The following DENND4B variants were observed in gnomAD, a reference collection of about 807,000 sequenced individuals.
DENND4B encodes DENN domain containing 4B.
Under a neutral mutation model 161.0 loss-of-function variants are expected in DENND4B, and 67 were observed. The observed-to-expected ratio is 0.42, with a 90% CI of 0.34 to 0.51. DENND4B has a LOEUF of 0.51. DENND4B is among the 20% of genes least tolerant of loss of function. The pLI is 0.08. For synonymous variants in DENND4B, 753 were observed against 813.8 expected (o/e 0.93, Z 1.27); for missense variants, 1,481 against 1,968.0 (o/e 0.75, Z 4.68).
chr1:153,931,636 T>C (rs1571029424), intron 24 of DENND4B, among the ~76,000 whole-genome samples: 1 of 151,862 alleles, frequency 6.6e-6, no homozygotes, highest in South Asian at 2.1e-4. Context: ...TAGCTGGGAC[T>C]ACAGGCGCCC....
At position 153,932,843 on chromosome 1, in the gene DENND4B, TTGC is replaced by T. The variant is rs760235216; in HGVS notation, c.3623+15_3623+17del. 80 of 1,613,662 alleles carry T rather than the reference TTGC, an allele frequency of 5.0e-5. No individual in the cohort carries two copies. The highest frequency in any genetic ancestry group is 6.2e-5 in the Non-Finnish European group (73 of 1,179,744). On this transcript the variant is annotated intron_variant, in intron 22 of 27. Transcript: ENST00000361217. This position sits in a 1 kb window ranked among gnomAD's most constrained non-coding sequence, Gnocchi z 5.8. ...ACCTCCCTATTCCCACCCACAGCACTTGCCCTGCCTTGGGCACCTGGGCCGGGA... is the reference window on the plus strand; with the variant it reads ...ACCTCCCTATTCCCACCCACAGCACTCCTGCCTTGGGCACCTGGGCCGGGA...
Position 153,934,913 on chromosome 1 carries a change from A to G in DENND4B, c.2620T>C (p.Trp874Arg). 1 of 1,613,432 alleles carries G rather than the reference A, an allele frequency of 6.2e-7. No individual in the cohort carries two copies. Among genetic ancestry groups the G allele is most frequent in the South Asian group, 1.1e-5 (1 of 91,088 alleles). The change falls in exon 18 of 28, where the codon TGG becomes CGG. Residue 874 changes from tryptophan to arginine, a missense_variant. By Grantham distance (101) the Trp-to-Arg change is moderately radical. This residue lies in a region of DENND4B where 339 missense variants were observed against 330.3 expected (regional missense o/e 1.03). Transcript: ENST00000361217. This position sits in a 1 kb window ranked among gnomAD's most constrained non-coding sequence, Gnocchi z 5.3. ...PSGTPGGRLR[W>R]AKLRNVVLGA... ...AGGACAACATTCCGGAGCTTGGCCC[A>G]GCGCAGACGCCCACCTGGTGTGCCA...
At chr1:153,945,738 A>AGCAG (rs1679923586) in intron 1 of DENND4B, among the ~76,000 whole-genome samples, 1 of 152,248 alleles carries the variant, frequency 6.6e-6, no homozygotes, top group African/African-American at 2.4e-5. Context: ...TGCCCAAGGC[A>AGCAG]GCAGGCAGAG....
Position 153,930,807 on chromosome 1 carries a change from T to C in DENND4B, c.4165A>G (p.Ser1389Gly), listed in dbSNP as rs753706326. 3 of 1,606,154 alleles carry C rather than the reference T, an allele frequency of 1.9e-6. No individual in the cohort carries two copies. The highest frequency in any genetic ancestry group is 3.4e-5 in the Admixed American group (2 of 58,852). Residue 1389 changes from serine (S) to glycine (G), a missense_variant, in exon 26 of 28, where the codon AGT becomes GGT. Physicochemically the swap from Ser to Gly is moderately conservative, Grantham distance 56 (BLOSUM62 0). This residue lies in a region of DENND4B where 336 missense variants were observed against 503.3 expected (regional missense o/e 0.67). Coordinates refer to ENST00000361217, the MANE Select transcript of DENND4B (RefSeq NM_014856.3). The surrounding 1 kb of genome is among the most constrained non-coding windows in gnomAD (Gnocchi z 4.7). ...VWPGPVPASL[S>G]LALLESVLRH... Reference sequence around the variant, plus strand: ...AGCACTGACTCCAACAGTGCCAAACTAAGGGATGCAGGTACAGGGCCTGGC... The same window carrying C: ...AGCACTGACTCCAACAGTGCCAAACCAAGGGATGCAGGTACAGGGCCTGGC...
At position 153,944,701 on chromosome 1, in the gene DENND4B, A is replaced by G. The variant is rs924324749; in HGVS notation, c.-23-304T>C. Among the ~76,000 whole-genome samples, 1 of 152,208 alleles carries G rather than the reference A, an allele frequency of 6.6e-6. No individual in the cohort carries two copies. Among genetic ancestry groups the G allele is most frequent in the African/African-American group, 2.4e-5 (1 of 41,450 alleles). On this transcript the variant is annotated intron_variant, in intron 1 of 27. Transcript: ENST00000361217. This position sits in a 1 kb window ranked among gnomAD's most constrained non-coding sequence, Gnocchi z 4.8. Reference sequence around the variant, plus strand: ...TGTCCCTTTTAAAGGCTCACCAGTTATAACATCACAGAGATCACAATCTTT... The same window carrying G: ...TGTCCCTTTTAAAGGCTCACCAGTTGTAACATCACAGAGATCACAATCTTT...
At position 153,936,005 on chromosome 1, in the gene DENND4B, C is replaced by T; in HGVS notation, c.2568+55G>A. 10 of 1,602,190 alleles carry T rather than the reference C, an allele frequency of 6.2e-6. No individual in the cohort carries two copies. Among genetic ancestry groups the T allele is most frequent in the Non-Finnish European group, 7.7e-6 (9 of 1,173,470 alleles). On this transcript the variant is annotated intron_variant, in intron 17 of 27. Transcript: ENST00000361217. The surrounding 1 kb of genome is among the most constrained non-coding windows in gnomAD (Gnocchi z 4.1). ...GGAGCGAGGGGAGCAGCAGCAGCCTCCCCTCACACACCCTGGCACAGCTGC... is the reference window on the plus strand; with the variant it reads ...GGAGCGAGGGGAGCAGCAGCAGCCTTCCCTCACACACCCTGGCACAGCTGC...
In DENND4B at chr1:153,944,423, T is replaced by C. The variant is rs898503500; in HGVS notation, c.-23-26A>G. ...CTGGAATGGTCAAGTGGGAGAGAGA[T>C]GAAGCAAGGAAGGCTGGGGATGCCA... On this transcript the variant is annotated intron_variant, in intron 1 of 27. Coordinates refer to ENST00000361217, the MANE Select transcript of DENND4B (RefSeq NM_014856.3). This position sits in a 1 kb window ranked among gnomAD's most constrained non-coding sequence, Gnocchi z 4.8. 2.0e-6 allele frequency: 3 copies of C among 1,535,380 alleles called. No individual in the cohort carries two copies. The African/African-American group carries it at 4.1e-5, about 21-fold the overall frequency.
rs1412734977 is a variant in DENND4B, at chr1:153,933,870, C to T, written c.2943G>A (p.Met981Ile). 3 of 1,605,802 alleles carry T rather than the reference C, an allele frequency of 1.9e-6. No homozygotes were observed. Among genetic ancestry groups the T allele is most frequent in the Admixed American group, 1.8e-5 (1 of 56,914 alleles). Residue 981 changes from methionine (M) to isoleucine (I), a missense_variant and splice_region_variant, in exon 20 of 28, where the codon ATG becomes ATA. By Grantham distance (10) the Met-to-Ile change is conservative. Coordinates refer to ENST00000361217, the MANE Select transcript of DENND4B (RefSeq NM_014856.3). The surrounding 1 kb of genome is among the most constrained non-coding windows in gnomAD (Gnocchi z 5.7). ...QPTVEAGVAH[M>I]IEALGVLEPR... The stretch of plus-strand genomic sequence containing the variant: ...GTTCCAGGACCCCCAAGGCCTCTAT[C>T]ACTGCAGCACAGAAAAGAATGAGGG...
At position 153,940,014 on chromosome 1, in the gene DENND4B, G is replaced by T; in HGVS notation, c.1603+142C>A. On this transcript the variant is annotated intron_variant, in intron 11 of 27. Transcript: ENST00000361217. This position sits in a 1 kb window ranked among gnomAD's most constrained non-coding sequence, Gnocchi z 5.6. ...CTTCCTTCTAGCTTCAGTTGGAATT[G>T]GAATCTCCCTCAGTTCCACCAAATG... The T allele has an allele frequency of 1.2e-6, 1 of 855,500 alleles. No homozygotes were observed. The highest frequency in any genetic ancestry group is 1.8e-6 in the Non-Finnish European group (1 of 559,612). The allele number at this position is 855,500 out of a possible 1,614,324, so 53.0% of individuals were successfully genotyped here. A position where few individuals can be genotyped will look rare whatever the true frequency, so the allele number is the denominator to read the frequency against.
chr1:153,936,036 C>T lies in DENND4B; in HGVS notation c.2568+24G>A, dbSNP rs1398727575. The T allele has an allele frequency of 1.2e-6, 2 of 1,611,696 alleles. No individual in the cohort carries two copies. Among genetic ancestry groups the T allele is most frequent in the South Asian group, 2.2e-5 (2 of 90,586 alleles). ...ACACACCCTGGCACAGCTGCCATCCCACCCCTCACCCCAAAGTAGGTACCT... is the reference window on the plus strand; with the variant it reads ...ACACACCCTGGCACAGCTGCCATCCTACCCCTCACCCCAAAGTAGGTACCT... On this transcript the variant is annotated intron_variant, in intron 17 of 27. Coordinates refer to ENST00000361217, the MANE Select transcript of DENND4B (RefSeq NM_014856.3). The surrounding 1 kb of genome is among the most constrained non-coding windows in gnomAD (Gnocchi z 4.1).
At chr1:153,939,279 G>GA (rs1268230001) in intron 12 of DENND4B, among the ~76,000 whole-genome samples, 3 of 151,838 alleles carry the variant, frequency 2.0e-5, no homozygotes, top group Non-Finnish European at 4.4e-5. Context: ...CAGACTGGGG[G>GA]GGGTCTCCAA....
In DENND4B at chr1:153,937,516, C is replaced by T; in HGVS notation, c.2204G>A (p.Ser735Asn). Residue 735 changes from serine (S) to asparagine (N), a missense_variant, in exon 15 of 28, where the codon AGC becomes AAC. By Grantham distance (46) the Ser-to-Asn change is conservative. Around this residue, in one of 3 missense-constraint regions of DENND4B, gnomAD observed 806 missense variants for 1,134.4 expected, o/e 0.71. Coordinates refer to ENST00000361217, the MANE Select transcript of DENND4B (RefSeq NM_014856.3). The surrounding 1 kb of genome is among the most constrained non-coding windows in gnomAD (Gnocchi z 4.7). ...PVPGPSRSAP[S>N]SPAPRRTKQE... ...TTTGGTACGGCGAGGAGCAGGACTG[C>T]TGGGGGCGCTACGGGAAGGGCCTGG... 1.9e-6 allele frequency: 3 copies of T among 1,586,864 alleles called. No homozygotes were observed. Among genetic ancestry groups the T allele is most frequent in the Non-Finnish European group, 8.6e-7 (1 of 1,166,530 alleles).
chr1:153,938,438 A>G (rs1003742467), intron 13 of DENND4B, among the ~76,000 whole-genome samples: 12 of 145,316 alleles, frequency 8.3e-5, no homozygotes, highest in African/African-American at 3.1e-4. Flanking sequence ...CGCGGTGGCT[A>G]ACGCTTGTAA....
At position 153,930,409 on chromosome 1, in the gene DENND4B, T is replaced by C. The variant is rs1458298857; in HGVS notation, c.4379A>G (p.Asn1460Ser). 3 of 1,613,940 alleles carry C rather than the reference T, an allele frequency of 1.9e-6. No homozygotes were observed. The South Asian group carries it at 3.3e-5, about 18-fold the overall frequency. Residue 1460 changes from asparagine to serine, a missense_variant, in exon 28 of 28, where the codon AAC (asparagine) becomes AGC (serine). Physicochemically the swap from Asn to Ser is conservative, Grantham distance 46. Coordinates refer to ENST00000361217, the MANE Select transcript of DENND4B (RefSeq NM_014856.3). The surrounding 1 kb of genome is among the most constrained non-coding windows in gnomAD (Gnocchi z 4.7). Reference protein sequence around the residue: ...AFDKKYKSAFNKLASSMGKEE... With the variant: ...AFDKKYKSAFSKLASSMGKEE... ...CTTGCCCATGCTGCTGGCCAGCTTG[T>C]TAAAGGCAGACTTGTACTTCTTATC...
At chr1:153,939,405 A>G (rs1679539006) in intron 12 of DENND4B, among the ~76,000 whole-genome samples, 184 bp downstream of exon 12, 1 of 151,854 alleles carries the variant, frequency 6.6e-6, no homozygotes, top group African/African-American at 2.4e-5. Flanking sequence ...TCATCTTTGT[A>G]CCCTGATTCC....
chr1:153,931,403 A>G (rs537396172), intron 24 of DENND4B, among the ~76,000 whole-genome samples: 2 of 152,194 alleles, frequency 1.3e-5, no homozygotes, highest in African/African-American at 4.8e-5. Flanking sequence ...TGCTTATGCC[A>G]TTTTACAGAT....
Position 153,934,824 on chromosome 1 carries a change from CTGCTGT to C in DENND4B, c.2703_2708del (p.Gln909_Gln910del), listed in dbSNP as rs749628841. 63 of 1,363,182 alleles carry C rather than the reference CTGCTGT, an allele frequency of 4.6e-5. No homozygotes were observed. Among genetic ancestry groups the C allele is most frequent in the South Asian group, 2.1e-4 (15 of 72,340 alleles). The allele number at this position is 1,363,182 out of a possible 1,614,324, so 84.4% of individuals were successfully genotyped here. On this transcript the variant is annotated inframe_deletion, in exon 18 of 28. Coordinates refer to ENST00000361217, the MANE Select transcript of DENND4B (RefSeq NM_014856.3). The surrounding 1 kb of genome is among the most constrained non-coding windows in gnomAD (Gnocchi z 5.3). Reference sequence around the variant, plus strand: ...GCTCCTGCTGCTGCTGCTGCTGCTGCTGCTGTTGCTGCTGCTGCTGCTGTTGCCGTT... The same window carrying C: ...GCTCCTGCTGCTGCTGCTGCTGCTGCTGCTGCTGCTGCTGCTGTTGCCGTT...
intron 12 of DENND4B, 133 bp downstream of exon 12, chr1:153,939,456 C>T (rs1571050600): frequency 1.0e-6 from 1 of 1,000,206 alleles, no homozygotes; most frequent in Non-Finnish European, 1.5e-6. Context: ...AAGCGGGTGC[C>T]CATAAAAACA....
rs1679178215 is a variant in DENND4B, at chr1:153,934,256, C to G, written c.2820G>C (p.Gln940His). The change falls in exon 19 of 28, where the codon CAG becomes CAC. Residue 940 changes from glutamine (Q) to histidine (H), a missense_variant. Gln to His is a conservative substitution (Grantham distance 24). Transcript: ENST00000361217. The surrounding 1 kb of genome is among the most constrained non-coding windows in gnomAD (Gnocchi z 5.3). ...TCAGACTTCGCCCAGCCCAAGTAGT[C>G]TGGCGCTGAAGAGGGCGAGTAGGGG... The part of the protein sequence containing the change: ...RPSPTRPLQR[Q>H]TTWAGRSLRD... 6.3e-7 allele frequency: 1 copy of G among 1,598,828 alleles called. No individual in the cohort carries two copies.
Sources: gnomAD v4.1 joint callset for allele counts (sites outside exome capture counted in the v4.1 genomes callset) on GRCh38, gnomAD v4.1.1 for gene constraint, gnomAD v4.1.1 regional missense constraint, Gnocchi (gnomAD v3.1) non-coding constraint, MANE v1.5 for transcripts, NCBI Gene and HGNC (gene_info 2026-07-23, HGNC 2026-07-21) for gene names.